The following CUX1 variants were observed in gnomAD, a reference collection of about 807,000 sequenced individuals.
The protein encoded by CUX1 is protein CASP.
Under a neutral mutation model 158.8 loss-of-function variants are expected in CUX1, and 31 were observed. The observed-to-expected ratio is 0.20, with a 90% CI of 0.15 to 0.26. The LOEUF is 0.26. CUX1 is among the 10% of genes least tolerant of loss of function. CUX1 has a pLI of 1.00. For synonymous variants in CUX1, 879 were observed against 862.1 expected (o/e 1.02, Z -0.34); for missense variants, 1,589 against 2,014.6 (o/e 0.79, Z 4.04).
rs181550098 is a variant in CUX1 at position 102,082,292 on chromosome 7, G to A, written c.268+11875G>A. Among the ~76,000 whole-genome samples the A allele has an allele frequency of 5.9e-4, 86 of 146,960 alleles. 2 individuals are homozygous for A. The highest frequency in any genetic ancestry group is 2.0e-3 in the African/African-American group (82 of 41,204). ...TGTAATCCCACCACTTTGGGAGGCT[G>A]AGGGCAGGCGGATCACCTGAGGTCA... On this transcript the variant is annotated intron_variant, in intron 4 of 23. Transcript: ENST00000292535.
intron 4 of CUX1, among the ~76,000 whole-genome samples, chr7:102,082,660 G>C (rs1349431489): frequency 6.8e-6 from 1 of 147,436 alleles, no homozygotes; most frequent in African/African-American, 2.4e-5. Context: ...CCCAGCAACT[G>C]CTGTTCTGCT....
intron 2 of CUX1, among the ~76,000 whole-genome samples, chr7:101,964,999 G>A (rs548679018): frequency 2.0e-4 from 31 of 152,244 alleles, no homozygotes; most frequent in Admixed American, 3.9e-4. Flanking sequence ...AGGGTTTAAT[G>A]GTGATTAAAG....
chr7:102,272,162 G>A (rs1791263548), intron 14 of CUX1, among the ~76,000 whole-genome samples: 1 of 152,242 alleles, frequency 6.6e-6, no homozygotes, highest in Admixed American at 6.5e-5. Context: ...ACTGTAAAAT[G>A]TGAATCGTCT....
At chr7:102,140,024 T>G (rs1486806983) in intron 8 of CUX1, among the ~76,000 whole-genome samples, 5 of 152,182 alleles carry the variant, frequency 3.3e-5, no homozygotes, top group Non-Finnish European at 7.3e-5. Flanking sequence ...GCTTTTTACC[T>G]TAAAACTTTC....
chr7:101,890,938 C>G (rs1233932078), intron 1 of CUX1, among the ~76,000 whole-genome samples: 2 of 151,158 alleles, frequency 1.3e-5, no homozygotes, highest in Admixed American at 6.6e-5. Flanking sequence ...TCTTTTGTCA[C>G]TTAAGTAGGA....
At chr7:102,061,700 G>T (rs567761608) in intron 3 of CUX1, among the ~76,000 whole-genome samples, 1 of 152,332 alleles carries the variant, frequency 6.6e-6, no homozygotes, top group African/African-American at 2.4e-5. Flanking sequence ...CCAGGCCCCT[G>T]TGGTGCAGTG....
rs552521023 is a variant in CUX1 at position 101,883,619 on chromosome 7, A to G, written c.31-32496A>G. Among the ~76,000 whole-genome samples the G allele has an allele frequency of 1.5e-3, 231 of 149,184 alleles. 8 individuals carry two copies. The South Asian group carries it at 0.043, about 28-fold the overall frequency. On this transcript the variant is annotated intron_variant, in intron 1 of 23. Coordinates refer to ENST00000292535, the MANE Select transcript of CUX1 (RefSeq NM_181552.4). Reference sequence around the variant, plus strand: ...TTTGAAATTTTAAATTATTATTATTACTGTTTTTTGCGATGGAGTTTCACT... The same window carrying G: ...TTTGAAATTTTAAATTATTATTATTGCTGTTTTTTGCGATGGAGTTTCACT...
At position 101,882,981 on chromosome 7, in the gene CUX1, T is replaced by C. The variant is rs1799873445; in HGVS notation, c.31-33134T>C. ...TGCGTGTTCCAGAGAGCTGCACCTC[T>C]GGGTGGTGAGCTGGCCTTTTTGGCA... On this transcript the variant is annotated intron_variant, in intron 1 of 23. Transcript: ENST00000292535. Among the ~76,000 whole-genome samples the C allele has an allele frequency of 2.6e-5, 4 of 152,194 alleles. No homozygotes were observed. In the South Asian group the frequency reaches 8.3e-4, roughly 32 times the overall value.
chr7:101,960,092 T>C (rs1219875457), intron 2 of CUX1: 2 of 152,186 alleles, frequency 1.3e-5, no homozygotes, highest in Non-Finnish European at 2.9e-5. Flanking sequence ...TCGGTGCTTT[T>C]TTCATCCTCG....
intron 21 of CUX1, 116 bp downstream of exon 21, chr7:102,227,785 C>A: frequency 1.9e-6 from 2 of 1,033,492 alleles, no homozygotes; most frequent in South Asian, 1.5e-5. Flanking sequence ...TGTAGGCACC[C>A]TTTGAGAACA....
chr7:101,826,416 G>C (rs1206989138), intron 1 of CUX1, among the ~76,000 whole-genome samples: 3 of 151,826 alleles, frequency 2.0e-5, no homozygotes, highest in African/African-American at 7.3e-5. Context: ...TCCCCAGGCT[G>C]GTCTTGAGCT....
At chr7:102,100,349 G>A (rs1304464392) in intron 5 of CUX1, among the ~76,000 whole-genome samples, 2 of 152,198 alleles carry the variant, frequency 1.3e-5, no homozygotes, top group Admixed American at 1.3e-4. Context: ...ACCTAGCTAT[G>A]TGACCTTGGG....
At chr7:101,835,596 G>T (rs562090032) in intron 1 of CUX1, among the ~76,000 whole-genome samples, 1 of 151,946 alleles carries the variant, frequency 6.6e-6, no homozygotes, top group East Asian at 1.9e-4. Flanking sequence ...TTGTGGGTGC[G>T]TATATTTATG....
At chr7:101,942,051 A>C (rs1229688028) in intron 2 of CUX1, among the ~76,000 whole-genome samples, 1 of 152,216 alleles carries the variant, frequency 6.6e-6, no homozygotes, top group Non-Finnish European at 1.5e-5. Flanking sequence ...GTTGGGGTAG[A>C]AATGTACCCA....
intron 2 of CUX1, chr7:101,961,358 C>T (rs977933939): frequency 6.6e-6 from 1 of 152,132 alleles, no homozygotes; most frequent in African/African-American, 2.4e-5. Context: ...CCTATACACT[C>T]GAAACCAGCT....
chr7:102,119,840 C>T (rs1003934739), intron 8 of CUX1, among the ~76,000 whole-genome samples: 12 of 152,134 alleles, frequency 7.9e-5, no homozygotes, highest in African/African-American at 2.9e-4. Context: ...AGCCACTACG[C>T]CTGACATTCT....
At chr7:102,283,605 A>G in exon 23 of CUX1, 1 of 158,066 alleles carries the variant, frequency 6.3e-6, no homozygotes, top group Non-Finnish European at 1.4e-5. Flanking sequence ...AGAGTATATG[A>G]GGCTTGACAG....
At chr7:102,036,409 G>T (rs1821425315) in intron 3 of CUX1, among the ~76,000 whole-genome samples, 1 of 152,282 alleles carries the variant, frequency 6.6e-6, no homozygotes, top group South Asian at 2.1e-4. Context: ...GTAGTTGGCA[G>T]AGAATGAGAT....
At chr7:102,209,866 T>G (rs1796352492) in intron 20 of CUX1, among the ~76,000 whole-genome samples, 1 of 152,150 alleles carries the variant, frequency 6.6e-6, no homozygotes, top group Admixed American at 6.5e-5. Context: ...TAGCAATTTA[T>G]TGTATCTTAT....
Sources: gnomAD v4.1 joint callset for allele counts (sites outside exome capture counted in the v4.1 genomes callset) on GRCh38, gnomAD v4.1.1 for gene constraint, MANE v1.5 for transcripts, NCBI Gene and HGNC (gene_info 2026-07-23, HGNC 2026-07-21) for gene names.